Variants in TALDO1 observed in about 807,000 individuals in gnomAD.
TALDO1 encodes the protein transaldolase 1.
TALDO1 carries 29 observed loss-of-function variants against 38.1 expected under a neutral mutation model. The ratio of observed to expected loss-of-function variants is 0.76; its 90% CI spans 0.57 to 1.04. The LOEUF (loss-of-function observed/expected upper bound fraction) is 1.04, where lower values mean the gene tolerates loss of function less well. TALDO1 is among the 50% of genes least tolerant of loss of function. The pLI is 0.00. For synonymous variants in TALDO1, 207 were observed against 176.8 expected (o/e 1.17, Z -1.36); for missense variants, 499 against 438.1 (o/e 1.14, Z -1.24).
At chr11:757,673 T>C (rs1862861272) in intron 2 of TALDO1, among the ~76,000 whole-genome samples, 1 of 152,220 alleles carries the variant, frequency 6.6e-6, no homozygotes, top group African/African-American at 2.4e-5. Flanking sequence ...GCTCAGATTT[T>C]GGAACAGAAT....
rs1302905638 is a variant in TALDO1 at position 764,334 on chromosome 11, C to G, written c.882C>G (p.Phe294Leu). 6.2e-7 allele frequency: 1 copy of G among 1,614,270 alleles called. No homozygotes were observed. Among genetic ancestry groups the G allele is most frequent in the Admixed American group, 1.7e-5 (1 of 60,026 alleles). ...LEKIHLDEKS[F>L]RWLHNEDQMA... The stretch of plus-strand genomic sequence containing the variant: ...AAATCCACCTGGATGAGAAGTCTTT[C>G]CGTTGGTTGCACAACGAGGACCAGA... Residue 294 changes from phenylalanine (F) to leucine (L), a missense_variant, in exon 7 of 8, where the codon TTC becomes TTG. By Grantham distance (22) the Phe-to-Leu change is conservative. Transcript: ENST00000319006.
chr11:760,188 T>TCA lies in TALDO1; in HGVS notation c.396_397insCA (p.Gly133GlnfsTer10). 1 of 1,614,224 alleles carries TCA rather than the reference T, an allele frequency of 6.2e-7. No homozygotes were observed. The highest frequency in any genetic ancestry group is 8.5e-7 in the Non-Finnish European group (1 of 1,180,030). On this transcript the variant is annotated frameshift_variant, in exon 4 of 8. Transcript: ENST00000319006. LOFTEE classifies it high-confidence loss of function. ...GGCTCATCGAGCTCTACAAGGAAGC[T>TCA]GGGATCAGCAAGGACCGAATTCTTA...
rs1231694114 is a variant in TALDO1 at position 763,786 on chromosome 11, A to C, written c.677A>C (p.Lys226Thr). The change falls in exon 6 of 8, where the codon AAG (lysine) becomes ACG (threonine). Residue 226 changes from lysine (K) to threonine (T), a missense_variant. Physicochemically the swap from Lys to Thr is moderately conservative, Grantham distance 78 (BLOSUM62 -1). Transcript: ENST00000319006. ...SVTKIYNYYK[K>T]FSYKTIVMGA... ...ACTAAAATCTACAACTACTACAAGA[A>C]GTTTAGCTACAAAACCATTGTCATG... is the stretch of plus-strand genomic sequence containing the variant. The C allele has an allele frequency of 2.5e-6, 4 of 1,613,950 alleles. No individual in the cohort carries two copies. In the Admixed American group the frequency reaches 5.0e-5, roughly 20 times the overall value.
chr11:757,759 A>T (rs1338351672), intron 2 of TALDO1, among the ~76,000 whole-genome samples: 1 of 152,252 alleles, frequency 6.6e-6, no homozygotes, highest in Non-Finnish European at 1.5e-5. Flanking sequence ...GCCAAAAGAT[A>T]GAGGGATGCA....
At chr11:753,985 A>T (rs1190902711) in intron 1 of TALDO1, among the ~76,000 whole-genome samples, 1 of 151,566 alleles carries the variant, frequency 6.6e-6, no homozygotes, top group Non-Finnish European at 1.5e-5. Context: ...GAAGAAAAAA[A>T]CTTTTTTATT....
intron 4 of TALDO1, among the ~76,000 whole-genome samples, chr11:763,083 T>C (rs1194834492): frequency 6.6e-6 from 1 of 150,796 alleles, no homozygotes; most frequent in Non-Finnish European, 1.5e-5. Flanking sequence ...TCTTACCGAT[T>C]TGTTCTTAAC....
intron 4 of TALDO1, among the ~76,000 whole-genome samples, chr11:762,225 A>T (rs1421210241): frequency 1.3e-5 from 2 of 152,120 alleles, no homozygotes; most frequent in African/African-American, 4.8e-5. Flanking sequence ...CGGCCTCCCA[A>T]AGTGTTGGGA....
Position 756,165 on chromosome 11 carries a change from A to G in TALDO1, c.221+163A>G, listed in dbSNP as rs998889778. 2.6e-5 allele frequency: 27 copies of G among 1,038,620 alleles called. No individual in the cohort carries two copies. The African/African-American group carries it at 3.7e-4, about 14-fold the overall frequency. 64.3% of individuals were successfully genotyped at this position (1,038,620 alleles called of 1,614,324 possible). Reference sequence around the variant, plus strand: ...TTTTGTTTATTGAAGTGTAATCTGCATGAAGTAACCTGCACCTGTGGTAAA... The same window carrying G: ...TTTTGTTTATTGAAGTGTAATCTGCGTGAAGTAACCTGCACCTGTGGTAAA... On this transcript the variant is annotated intron_variant, in intron 2 of 7. Coordinates refer to ENST00000319006, the MANE Select transcript of TALDO1 (RefSeq NM_006755.2).
At chr11:754,238 GC>G (rs766096066) in intron 1 of TALDO1, among the ~76,000 whole-genome samples, 4 of 152,038 alleles carry the variant, frequency 2.6e-5, no homozygotes, top group Non-Finnish European at 4.4e-5. Flanking sequence ...ACCCCCGTTG[GC>G]CTCCCAAAGT....
intron 3 of TALDO1, among the ~76,000 whole-genome samples, chr11:759,617 G>T (rs1225578649): frequency 6.6e-6 from 1 of 151,732 alleles, no homozygotes; most frequent in African/African-American, 2.4e-5. Context: ...GTCTCGCTCT[G>T]TTGCCAGTGT....
intron 1 of TALDO1, among the ~76,000 whole-genome samples, chr11:752,948 CAG>C (rs1385763812): frequency 6.6e-6 from 1 of 152,086 alleles, no homozygotes; most frequent in East Asian, 1.9e-4. Flanking sequence ...TCCAGGTAGA[CAG>C]GGTTGGAATT....
At chr11:753,780 G>A (rs1483738037) in intron 1 of TALDO1, among the ~76,000 whole-genome samples, 2 of 151,798 alleles carry the variant, frequency 1.3e-5, no homozygotes, top group African/African-American at 4.8e-5. Context: ...CATGGTGTGA[G>A]CCTGTAGTCC....
intron 4 of TALDO1, among the ~76,000 whole-genome samples, chr11:761,163 G>A (rs1214056577): frequency 1.3e-5 from 2 of 152,012 alleles, no homozygotes; most frequent in African/African-American, 2.4e-5. Context: ...GTGGAACCCC[G>A]TCTCTACCAA....
chr11:759,138 G>A, intron 3 of TALDO1, 81 bp downstream of exon 3: 3 of 1,218,046 alleles, frequency 2.5e-6, no homozygotes, highest in Non-Finnish European at 3.6e-6. Flanking sequence ...GAGGTCAAGG[G>A]GCTGCTCCAC....
chr11:764,390 G>C lies in TALDO1; in HGVS notation c.938G>C (p.Arg313Pro), dbSNP rs143237187. 8 of 1,613,146 alleles carry C rather than the reference G, an allele frequency of 5.0e-6. No homozygotes were observed. Among genetic ancestry groups the C allele is most frequent in the Non-Finnish European group, 6.8e-6 (8 of 1,179,350 alleles). The change falls in exon 7 of 8, where the codon CGC (arginine) becomes CCC (proline). Residue 313 changes from arginine (R) to proline (P), a missense_variant. By Grantham distance (103) the Arg-to-Pro change is moderately radical. Coordinates refer to ENST00000319006, the MANE Select transcript of TALDO1 (RefSeq NM_006755.2). Reference protein sequence around the residue: ...MAVEKLSDGIRKFAADAVKLE... With the variant: ...MAVEKLSDGIPKFAADAVKLE... The stretch of plus-strand genomic sequence containing the variant: ...GTGGAGAAGCTCTCTGACGGGATCC[G>C]CAAGTTTGCCGCTGATGCAGTGAAG...
chr11:752,885 T>C (rs1862771917), intron 1 of TALDO1, among the ~76,000 whole-genome samples: 2 of 152,080 alleles, frequency 1.3e-5, no homozygotes, highest in African/African-American at 4.8e-5. Context: ...CGGGTGGGAA[T>C]GGAGAATGGT....
At chr11:755,780 A>C in intron 1 of TALDO1, 99 bp from the exon 2 acceptor site, 1 of 1,582,938 alleles carries the variant, frequency 6.3e-7, no homozygotes, top group Non-Finnish European at 8.6e-7. Context: ...AATGCTCTGG[A>C]CTCCCCTAAC....
intron 1 of TALDO1, among the ~76,000 whole-genome samples, chr11:748,934 G>C (rs1239261016): frequency 6.6e-6 from 1 of 152,190 alleles, no homozygotes; most frequent in African/African-American, 2.4e-5. Context: ...CTGGTGGACA[G>C]AGCGCTCATC....
chr11:764,379 T>G lies in TALDO1; in HGVS notation c.927T>G (p.Ser309=). 1 of 1,613,922 alleles carries G rather than the reference T, an allele frequency of 6.2e-7. No homozygotes were observed. The highest frequency in any genetic ancestry group is 8.5e-7 in the Non-Finnish European group (1 of 1,179,854). The part of the protein sequence containing the change: ...NEDQMAVEKL[S]DGIRKFAADA... ...ACCAGATGGCTGTGGAGAAGCTCTCTGACGGGATCCGCAAGTTTGCCGCTG... is the reference window on the plus strand; with the variant it reads ...ACCAGATGGCTGTGGAGAAGCTCTCGGACGGGATCCGCAAGTTTGCCGCTG... Residue 309 remains serine (S), a synonymous_variant, in exon 7 of 8, where the codon TCT becomes TCG. Coordinates refer to ENST00000319006, the MANE Select transcript of TALDO1 (RefSeq NM_006755.2).
Sources: gnomAD v4.1 joint callset for allele counts (sites outside exome capture counted in the v4.1 genomes callset) on GRCh38, gnomAD v4.1.1 for gene constraint, MANE v1.5 for transcripts, NCBI Gene and HGNC (gene_info 2026-07-23, HGNC 2026-07-21) for gene names.